Variants in SDCCAG8 observed in about 807,000 individuals in gnomAD.
SDCCAG8 encodes serologically defined colon cancer antigen 8.
In SDCCAG8, 74 loss-of-function variants were observed where a neutral mutation model predicts 101.8. The ratio of observed to expected loss-of-function variants is 0.73; its 90% CI spans 0.60 to 0.88. The LOEUF is 0.88. SDCCAG8 is among the 40% of genes least tolerant of loss of function. The pLI is 0.00. For synonymous variants in SDCCAG8, 281 were observed against 292.9 expected (o/e 0.96, Z 0.41); for missense variants, 787 against 822.6 (o/e 0.96, Z 0.53).
chr1:243,319,145 T>C (rs895181751), intron 9 of SDCCAG8, among the ~76,000 whole-genome samples: 1 of 151,918 alleles, frequency 6.6e-6, no homozygotes, highest in African/African-American at 2.4e-5. Context: ...GGATAACTAA[T>C]AGGGCACCAA....
chr1:243,424,284 C>T (rs2081202034), intron 15 of SDCCAG8, among the ~76,000 whole-genome samples: 1 of 151,898 alleles, frequency 6.6e-6, no homozygotes, highest in Non-Finnish European at 1.5e-5. Flanking sequence ...CCCATATATT[C>T]CCTGTTCCTT....
chr1:243,498,560 G>A (rs887474918), intron 17 of SDCCAG8, among the ~76,000 whole-genome samples: 1 of 152,194 alleles, frequency 6.6e-6, no homozygotes, highest in African/African-American at 2.4e-5. Flanking sequence ...TCACAGACCT[G>A]TTCAAGAAAA....
At position 243,321,658 on chromosome 1, in the gene SDCCAG8, C is replaced by CTTT. The variant is rs540040354; in HGVS notation, c.1068+4772_1068+4774dup. 2.3e-3 allele frequency among the ~76,000 whole-genome samples: 352 copies of CTTT among 151,470 alleles called. 3 individuals carry two copies. The highest frequency in any genetic ancestry group is 8.3e-3 in the African/African-American group (342 of 41,322). ...ATGGGCACCTAAGTTGATTCCATGT[C>CTTT]TTTTTTTTTGAGATAGAATCTTGTT... is the stretch of plus-strand genomic sequence containing the variant. On this transcript the variant is annotated intron_variant, in intron 9 of 17. Coordinates refer to ENST00000366541, the MANE Select transcript of SDCCAG8 (RefSeq NM_006642.5).
At chr1:243,425,200 C>T (rs565682009) in intron 15 of SDCCAG8, among the ~76,000 whole-genome samples, 1 of 152,054 alleles carries the variant, frequency 6.6e-6, no homozygotes, top group Non-Finnish European at 1.5e-5. Flanking sequence ...AGACAAGGCA[C>T]AGAGCACAAT....
At chr1:243,343,534 A>T (rs1225038839) in intron 11 of SDCCAG8, among the ~76,000 whole-genome samples, 2 of 152,232 alleles carry the variant, frequency 1.3e-5, no homozygotes. Flanking sequence ...TTGGTGCCGT[A>T]TTACAATTAT....
intron 16 of SDCCAG8, among the ~76,000 whole-genome samples, chr1:243,445,247 T>C (rs2082822786): frequency 6.6e-6 from 1 of 152,182 alleles, no homozygotes; most frequent in African/African-American, 2.4e-5. Flanking sequence ...CTAGTCCAAC[T>C]TCACCTCTTG....
At chr1:243,373,026 A>G (rs2077395577) in intron 12 of SDCCAG8, among the ~76,000 whole-genome samples, 1 of 151,268 alleles carries the variant, frequency 6.6e-6, no homozygotes, top group African/African-American at 2.4e-5. Context: ...GGAATAGGAA[A>G]TGTCAGAGCA....
At chr1:243,402,939 T>C (rs1310754746) in intron 13 of SDCCAG8, among the ~76,000 whole-genome samples, 1 of 152,102 alleles carries the variant, frequency 6.6e-6, no homozygotes, top group African/African-American at 2.4e-5. Flanking sequence ...AGCAGATGAG[T>C]GATTAAATAT....
chr1:243,468,046 G>A (rs1487488616), intron 16 of SDCCAG8, among the ~76,000 whole-genome samples: 1 of 152,124 alleles, frequency 6.6e-6, no homozygotes, highest in East Asian at 1.9e-4. Flanking sequence ...AAGGGCACAG[G>A]ATTTTCCAGC....
chr1:243,287,912 T>C (rs2069790767), intron 5 of SDCCAG8, among the ~76,000 whole-genome samples: 1 of 152,006 alleles, frequency 6.6e-6, no homozygotes, highest in African/African-American at 2.4e-5. Context: ...GGGAAGGAAA[T>C]GATGGTCAGA....
chr1:243,425,270 G>A (rs1397297112), intron 15 of SDCCAG8, among the ~76,000 whole-genome samples: 1 of 152,038 alleles, frequency 6.6e-6, no homozygotes, highest in African/African-American at 2.4e-5. Context: ...TTCAAAAAAC[G>A]TGCTGACATA....
intron 15 of SDCCAG8, among the ~76,000 whole-genome samples, chr1:243,421,978 C>CTA (rs1414608437): frequency 6.6e-6 from 1 of 152,160 alleles, no homozygotes; most frequent in Non-Finnish European, 1.5e-5. Flanking sequence ...GCAGTGCTAT[C>CTA]TAACACCTGG....
At chr1:243,436,432 A>G (rs1341729242) in intron 16 of SDCCAG8, among the ~76,000 whole-genome samples, 1 of 152,108 alleles carries the variant, frequency 6.6e-6, no homozygotes, top group Non-Finnish European at 1.5e-5. Flanking sequence ...GTCTCTGTCT[A>G]GATTCATTCT....
intron 10 of SDCCAG8, among the ~76,000 whole-genome samples, chr1:243,339,111 G>A (rs549369540): frequency 2.0e-5 from 3 of 151,500 alleles, no homozygotes; most frequent in Admixed American, 6.6e-5. Context: ...TGGGGTGGGC[G>A]GCAGGAGGGA....
chr1:243,272,345 A>G (rs554586610), intron 3 of SDCCAG8, among the ~76,000 whole-genome samples: 42 of 152,208 alleles, frequency 2.8e-4, no homozygotes, highest in Admixed American at 9.8e-4. Flanking sequence ...CGAACACTCC[A>G]TTCCAGGCTG....
At chr1:243,454,794 G>A (rs1026536897) in intron 16 of SDCCAG8, among the ~76,000 whole-genome samples, 6 of 152,068 alleles carry the variant, frequency 3.9e-5, no homozygotes, top group Admixed American at 1.3e-4. Context: ...AGAGTGGACC[G>A]TTCACCTGGT....
intron 15 of SDCCAG8, among the ~76,000 whole-genome samples, chr1:243,425,012 T>G (rs2148038454): frequency 6.6e-6 from 1 of 152,226 alleles, no homozygotes; most frequent in East Asian, 1.9e-4. Flanking sequence ...CATAACTGCC[T>G]CTAAATTCTT....
intron 15 of SDCCAG8, among the ~76,000 whole-genome samples, 199 bp from the exon 16 acceptor site, chr1:243,426,228 T>C (rs948494665): frequency 1.3e-5 from 2 of 152,238 alleles, no homozygotes; most frequent in Non-Finnish European, 1.5e-5. Context: ...TAAGTTGTTA[T>C]TCCTTTTTCT....
At chr1:243,353,055 A>G (rs1285532721) in intron 12 of SDCCAG8, among the ~76,000 whole-genome samples, 1 of 152,176 alleles carries the variant, frequency 6.6e-6, no homozygotes, top group Non-Finnish European at 1.5e-5. Flanking sequence ...CTACTTAGCT[A>G]TAATCAATTT....
Sources: allele counts gnomAD v4.1 joint callset (sites outside exome capture counted in the v4.1 genomes callset), GRCh38; gene constraint gnomAD v4.1.1; transcripts MANE v1.5; gene names NCBI Gene and HGNC (gene_info 2026-07-23, HGNC 2026-07-21).